Variants in SLC37A1 observed in about 807,000 individuals in gnomAD.
The protein encoded by SLC37A1 is solute carrier family 37 member 1.
In SLC37A1, 49 loss-of-function variants were observed where a neutral mutation model predicts 75.3. The observed-to-expected ratio is 0.65, with a 90% CI of 0.52 to 0.83. The LOEUF is 0.83. Among genes scored for constraint, SLC37A1 ranks in the 40% least tolerant of loss-of-function variants. The pLI, the probability that SLC37A1 is intolerant of heterozygous loss-of-function variation, is 0.00. For missense variants in SLC37A1, 566 were observed against 695.0 expected (o/e 0.81, Z 2.09); for synonymous variants, 268 against 292.1 (o/e 0.92, Z 0.84).
At chr21:42,502,390 T>A (rs1011935826) in exon 2 of SLC37A1, 1 of 151,832 alleles carries the variant, frequency 6.6e-6, no homozygotes. Flanking sequence ...CAAAACAGAG[T>A]GTGGGACTCA....
chr21:42,528,134 G>A (rs538427634), intron 3 of SLC37A1, among the ~76,000 whole-genome samples: 5 of 152,280 alleles, frequency 3.3e-5, no homozygotes, highest in South Asian at 4.1e-4. Context: ...AGAATGACAC[G>A]GCACACCAGG....
rs79886604 is a variant in SLC37A1, at chr21:42,545,528, C to A, written c.731-1575C>A. Among the ~76,000 whole-genome samples, 2,987 of 152,348 alleles carry A rather than the reference C, an allele frequency of 0.02. 100 individuals are homozygous for A. Among genetic ancestry groups the A allele is most frequent in the African/African-American group, 0.069 (2,877 of 41,574 alleles). ...TGCTCCTTCACTCTTGTCTCCTGCC[C>A]AGGGTGAGCCCCAAAGGACAGGGCG... On this transcript the variant is annotated intron_variant, in intron 8 of 19. Transcript: ENST00000352133. This position sits in a 1 kb window ranked among gnomAD's most constrained non-coding sequence, Gnocchi z 4.0.
rs748320405 is a variant in SLC37A1 at position 42,552,631 on chromosome 21, A to G, written c.769-1431A>G. 6.6e-6 allele frequency among the ~76,000 whole-genome samples: 1 copy of G among 152,378 alleles called. No homozygotes were observed. The highest frequency in any genetic ancestry group is 1.5e-5 in the Non-Finnish European group (1 of 68,038). The stretch of plus-strand genomic sequence containing the variant: ...GCTCCAGCCATTACATCTGTATTCC[A>G]GCCAGCAGGAAGGAGGGAAAGGACA... On this transcript the variant is annotated intron_variant, in intron 9 of 19. Transcript: ENST00000352133. This position sits in a 1 kb window ranked among gnomAD's most constrained non-coding sequence, Gnocchi z 4.2.
intron 6 of SLC37A1, among the ~76,000 whole-genome samples, chr21:42,541,929 AG>A (rs1205936612): frequency 3.9e-5 from 6 of 152,114 alleles, no homozygotes; most frequent in African/African-American, 1.2e-4. Flanking sequence ...TTTGTAGACA[AG>A]GGGGTCTCTC....
chr21:42,565,963 G>A (rs927312801), intron 15 of SLC37A1, 88 bp downstream of exon 15: 22 of 1,366,940 alleles, frequency 1.6e-5, no homozygotes, highest in Middle Eastern at 1.8e-4. Flanking sequence ...ATCAACAGGC[G>A]CATTGAGCTG....
rs528755354 is a variant in SLC37A1, at chr21:42,544,294, A to T, written c.730+692A>T. ...CTGAGTTTAAACCATATGGCAGGAG[A>T]CAGCTCCCTCATGCTGCCTGCCAGG... On this transcript the variant is annotated intron_variant, in intron 8 of 19. Coordinates refer to ENST00000352133, the MANE Select transcript of SLC37A1 (RefSeq NM_001320537.2). 2.6e-5 allele frequency among the ~76,000 whole-genome samples: 4 copies of T among 152,262 alleles called. No individual in the cohort carries two copies. The East Asian group carries it at 7.7e-4, about 29-fold the overall frequency.
intron 17 of SLC37A1, among the ~76,000 whole-genome samples, chr21:42,569,124 TAAG>T (rs1229867686): frequency 5.9e-5 from 9 of 152,180 alleles, no homozygotes; most frequent in Non-Finnish European, 8.8e-5. Flanking sequence ...TCACAGCTAA[TAAG>T]GAGGACCTGG....
Position 42,543,630 on chromosome 21 carries a change from C to T in SLC37A1, c.730+28C>T, listed in dbSNP as rs555282182. 6.4e-6 allele frequency: 10 copies of T among 1,556,104 alleles called. No homozygotes were observed. The African/African-American group carries it at 1.2e-4, about 19-fold the overall frequency. On this transcript the variant is annotated intron_variant, in intron 8 of 19. Transcript: ENST00000352133. ...AAGTGCACGTGGCCTTGGAGACCAC[C>T]CACCAAGGGAGGCCTCGGATTTCCC...
rs2056403749 is a variant in SLC37A1, at chr21:42,580,486, GA to G, written c.*130del. 3.8e-6 allele frequency: 4 copies of G among 1,053,180 alleles called. No homozygotes were observed. Among genetic ancestry groups the G allele is most frequent in the Middle Eastern group, 2.3e-4 (1 of 4,274 alleles). 65.2% of individuals were successfully genotyped at this position (1,053,180 alleles called of 1,614,324 possible). A position where few individuals can be genotyped will look rare whatever the true frequency, so the allele number is the denominator to read the frequency against. ...CCTTTGCCTTTTGCACACGCACCTG[GA>G]AAAGACACAGAAGCCAACCTGAGAA... On this transcript the variant is annotated 3_prime_UTR_variant, in exon 20 of 20. Transcript: ENST00000352133.
intron 2 of SLC37A1, among the ~76,000 whole-genome samples, chr21:42,503,222 G>T (rs185292609): frequency 6.6e-6 from 1 of 151,478 alleles, no homozygotes; most frequent in Non-Finnish European, 1.5e-5. Flanking sequence ...ACAAGGTAAG[G>T]GGTATTACTT....
intron 17 of SLC37A1, among the ~76,000 whole-genome samples, chr21:42,570,452 T>C (rs2056129385): frequency 6.6e-6 from 1 of 152,194 alleles, no homozygotes; most frequent in African/African-American, 2.4e-5. Flanking sequence ...TTTGAGTGTA[T>C]TGGGTGGCGG....
At chr21:42,564,532 A>G (rs529135785) in intron 13 of SLC37A1, among the ~76,000 whole-genome samples, 176 bp from the exon 14 acceptor site, 1 of 152,300 alleles carries the variant, frequency 6.6e-6, no homozygotes, top group African/African-American at 2.4e-5. Flanking sequence ...ATCTGACCAC[A>G]ACCAATGGAG....
In SLC37A1 at chr21:42,551,210, A is replaced by G. The variant is rs1326053238; in HGVS notation, c.769-2852A>G. Among the ~76,000 whole-genome samples, 4 of 152,248 alleles carry G rather than the reference A, an allele frequency of 2.6e-5. No homozygotes were observed. The South Asian group carries it at 6.2e-4, about 24-fold the overall frequency. ...GTTAGAGTGAATTAATAAGTTAGCA[A>G]GGTTGCAGAAAACAAGACCAGTATA... On this transcript the variant is annotated intron_variant, in intron 9 of 19. Coordinates refer to ENST00000352133, the MANE Select transcript of SLC37A1 (RefSeq NM_001320537.2).
In SLC37A1 at chr21:42,545,552, C is replaced by T. The variant is rs62215928; in HGVS notation, c.731-1551C>T. 0.058 allele frequency among the ~76,000 whole-genome samples: 8,891 copies of T among 152,336 alleles called. 313 individuals are homozygous for T. Among genetic ancestry groups the T allele is most frequent in the Middle Eastern group, 0.11 (31 of 292 alleles). On this transcript the variant is annotated intron_variant, in intron 8 of 19. Coordinates refer to ENST00000352133, the MANE Select transcript of SLC37A1 (RefSeq NM_001320537.2). The surrounding 1 kb of genome is among the most constrained non-coding windows in gnomAD (Gnocchi z 4.0). ...CCAGGGTGAGCCCCAAAGGACAGGGCGTCCCCTGCTCCTTTCTCAGGCCTC... is the reference window on the plus strand; with the variant it reads ...CCAGGGTGAGCCCCAAAGGACAGGGTGTCCCCTGCTCCTTTCTCAGGCCTC...
chr21:42,502,968 A>G (rs1016643345), intron 2 of SLC37A1: 10 of 152,254 alleles, frequency 6.6e-5, no homozygotes, highest in Admixed American at 3.3e-4. Context: ...CTTCCCAAAG[A>G]TAATAACTAC....
intron 4 of SLC37A1, 36 bp downstream of exon 4, chr21:42,534,866 G>C: frequency 6.2e-7 from 1 of 1,601,566 alleles, no homozygotes; most frequent in Non-Finnish European, 8.5e-7. Context: ...GAGCCGAAGC[G>C]GCTGTCCTTC....
chr21:42,544,912 G>A (rs1395673277), intron 8 of SLC37A1, among the ~76,000 whole-genome samples: 3 of 152,210 alleles, frequency 2.0e-5, no homozygotes, highest in African/African-American at 2.4e-5. Context: ...GGTGTCTCCT[G>A]CCTGAGGGTA....
chr21:42,573,575 A>G (rs2056239723), intron 17 of SLC37A1, among the ~76,000 whole-genome samples: 1 of 152,122 alleles, frequency 6.6e-6, no homozygotes, highest in Admixed American at 6.5e-5. Flanking sequence ...ACACATGAGT[A>G]GCCGACCATG....
chr21:42,540,629 T>G (rs1232199265), intron 6 of SLC37A1, among the ~76,000 whole-genome samples: 1 of 152,198 alleles, frequency 6.6e-6, no homozygotes, highest in Non-Finnish European at 1.5e-5. Flanking sequence ...TCCTGGCTTC[T>G]GCCCTTCCCA....
Sources: allele counts gnomAD v4.1 joint callset (sites outside exome capture counted in the v4.1 genomes callset), GRCh38; gene constraint gnomAD v4.1.1; non-coding constraint Gnocchi (gnomAD v3.1); transcripts MANE v1.5; gene names NCBI Gene and HGNC (gene_info 2026-07-23, HGNC 2026-07-21).